CACNA1H: variants seen among roughly 807,000 people sequenced by gnomAD.
CACNA1H encodes the protein voltage-dependent T-type calcium channel subunit alpha-1H.
Under a neutral mutation model 192.5 loss-of-function variants are expected in CACNA1H, and 149 were observed. That is an observed-to-expected ratio of 0.77 (90% confidence interval 0.68 to 0.89). CACNA1H has a LOEUF of 0.89. CACNA1H is among the 40% of genes least tolerant of loss of function. The pLI, the probability that CACNA1H is intolerant of heterozygous loss-of-function variation, is 0.00. For missense variants in CACNA1H, 4,257 were observed against 3,423.5 expected (o/e 1.24, Z -6.08); for synonymous variants, 2,202 against 1,475.2 (o/e 1.49, Z -11.29).
intron 2 of CACNA1H, among the ~76,000 whole-genome samples, chr16:1,192,854 T>A (rs542665419): frequency 1.4e-4 from 21 of 152,188 alleles, no homozygotes; most frequent in Non-Finnish European, 2.6e-4. Flanking sequence ...ATTGCCTGCT[T>A]TGGTAGTGGA....
At chr16:1,166,152 C>T (rs938230960) in intron 2 of CACNA1H, among the ~76,000 whole-genome samples, 6 of 152,330 alleles carry the variant, frequency 3.9e-5, no homozygotes, top group Admixed American at 3.9e-4. Flanking sequence ...AAGGGGCAGG[C>T]AGGCCTGAGA....
rs955537255 is a variant in CACNA1H at position 1,180,843 on chromosome 16, C to G, written c.300-14129C>G. 2.0e-5 allele frequency among the ~76,000 whole-genome samples: 3 copies of G among 152,186 alleles called. No homozygotes were observed. The highest frequency in any genetic ancestry group is 2.0e-4 in the Admixed American group (3 of 15,286). Reference sequence around the variant, plus strand: ...CCACAGCCACCCCGCCCTGGACTCCCCGGGCCAGCACCCGACCTGGCCGCC... The same window carrying G: ...CCACAGCCACCCCGCCCTGGACTCCGCGGGCCAGCACCCGACCTGGCCGCC... On this transcript the variant is annotated intron_variant, in intron 2 of 34. Transcript: ENST00000348261. This position sits in a 1 kb window ranked among gnomAD's most constrained non-coding sequence, Gnocchi z 4.4.
intron 2 of CACNA1H, among the ~76,000 whole-genome samples, chr16:1,186,276 C>G (rs1190794909): frequency 6.6e-6 from 1 of 151,998 alleles, no homozygotes; most frequent in African/African-American, 2.4e-5. Context: ...GAATGCGCGG[C>G]TCCCTCGAGG....
intron 2 of CACNA1H, among the ~76,000 whole-genome samples, chr16:1,190,629 G>C (rs1024686452): frequency 6.6e-6 from 1 of 152,250 alleles, no homozygotes; most frequent in Non-Finnish European, 1.5e-5. Context: ...CACGTCCTCT[G>C]TCGTGAGAGG....
In CACNA1H at chr16:1,202,374, G is replaced by A. The variant is rs1461165872; in HGVS notation, c.1924G>A (p.Gly642Ser). Reference protein sequence around the residue: ...PKGKWAGGPPGTGGHGPLSLN... With the variant: ...PKGKWAGGPPSTGGHGPLSLN... ...GGGGAAGTGGGCCGGTGGACCGCCA[G>A]GCACCGGGGGGCACGGCCCGTTGAG... Residue 642 changes from glycine to serine, a missense_variant, in exon 9 of 35, where the codon GGC (glycine) becomes AGC (serine). Transcript: ENST00000348261. 3 of 1,553,048 alleles carry A rather than the reference G, an allele frequency of 1.9e-6. No individual in the cohort carries two copies. In the African/African-American group the frequency reaches 4.1e-5, roughly 21 times the overall value.
chr16:1,157,789 C>T (rs1962625306), intron 2 of CACNA1H: 1 of 152,384 alleles, frequency 6.6e-6, no homozygotes, highest in African/African-American at 2.4e-5. Context: ...GGCCTGAACT[C>T]CAAGCTGGGG....
chr16:1,183,374 C>T (rs567385203), intron 2 of CACNA1H, among the ~76,000 whole-genome samples: 6 of 152,310 alleles, frequency 3.9e-5, no homozygotes, highest in East Asian at 3.9e-4. Context: ...GCGTGGGGGC[C>T]GCCCTCAGCG....
chr16:1,195,529 C>T lies in CACNA1H; in HGVS notation c.509C>T (p.Thr170Met), dbSNP rs1184871365. The T allele has an allele frequency of 6.2e-6, 10 of 1,605,606 alleles. No homozygotes were observed. The highest frequency in any genetic ancestry group is 8.5e-6 in the Non-Finnish European group (10 of 1,176,506). Residue 170 changes from threonine to methionine, a missense_variant, in exon 4 of 35, where the codon ACG becomes ATG. Physicochemically the swap from Thr to Met is moderately conservative, Grantham distance 81 (BLOSUM62 -1). Transcript: ENST00000348261. ...LFGQKCYLGD[T>M]WNRLDFFIVV... ...GGGCAGAAGTGTTACCTGGGTGACA[C>T]GTGGAACAGGCTGGATTTCTTCATC...
At chr16:1,209,916 T>G in intron 17 of CACNA1H, 119 bp from the exon 18 acceptor site, 1 of 728,548 alleles carries the variant, frequency 1.4e-6, no homozygotes, top group South Asian at 1.7e-5. Flanking sequence ...GGGTGAGGAG[T>G]GAGGATGGAG....
chr16:1,189,742 G>A (rs1222655449), intron 2 of CACNA1H, among the ~76,000 whole-genome samples: 3 of 152,110 alleles, frequency 2.0e-5, no homozygotes, highest in Non-Finnish European at 2.9e-5. Context: ...TGATTATAGA[G>A]TGTGGGGCTG....
rs1227882612 is a variant in CACNA1H, at chr16:1,210,916, A to C, written c.4168A>C (p.Lys1390Gln). ...GGCCATGGCCTCGGCTGGTGGCGCCAAGATCCTGGGTGTTCTGCGCGTGCT... is the reference window on the plus strand; with the variant it reads ...GGCCATGGCCTCGGCTGGTGGCGCCCAGATCCTGGGTGTTCTGCGCGTGCT... ...VVAMASAGGA[K>Q]ILGVLRVLRL... Residue 1390 changes from lysine (K) to glutamine (Q), a missense_variant, in exon 21 of 35, where the codon AAG (lysine) becomes CAG (glutamine). Coordinates refer to ENST00000348261, the MANE Select transcript of CACNA1H (RefSeq NM_021098.3). 2.5e-6 allele frequency: 4 copies of C among 1,603,274 alleles called. No individual in the cohort carries two copies. Among genetic ancestry groups the C allele is most frequent in the Non-Finnish European group, 3.4e-6 (4 of 1,179,690 alleles).
chr16:1,218,901 C>T lies in CACNA1H; in HGVS notation c.5888-69C>T, dbSNP rs1480020835. On this transcript the variant is annotated intron_variant, in intron 33 of 34. Coordinates refer to ENST00000348261, the MANE Select transcript of CACNA1H (RefSeq NM_021098.3). ...AGGATGGTGGCAGGTTGGGGGAGGA[C>T]GGGGGTGGGTGGCAGCTGGGCAGGA... 104 of 824,024 alleles carry T rather than the reference C, an allele frequency of 1.3e-4. No individual in the cohort carries two copies. The African/African-American group carries it at 2.4e-3, about 19-fold the overall frequency. The allele number at this position is 824,024 out of a possible 1,614,324, so 51.0% of individuals were successfully genotyped here.
In CACNA1H at chr16:1,188,093, G is replaced by A. The variant is rs545178105; in HGVS notation, c.300-6879G>A. ...GATGGGGAAGCTGAGGCTTAGAAAG[G>A]GGGAGGCACAGGTGGAGGTAGAATT... On this transcript the variant is annotated intron_variant, in intron 2 of 34. Coordinates refer to ENST00000348261, the MANE Select transcript of CACNA1H (RefSeq NM_021098.3). Among the ~76,000 whole-genome samples the A allele has an allele frequency of 4.6e-5, 7 of 152,338 alleles. No individual in the cohort carries two copies. In the East Asian group the frequency reaches 1.3e-3, roughly 29 times the overall value.
In CACNA1H at chr16:1,209,011, C is replaced by T. The variant is rs781287879; in HGVS notation, c.3364-21C>T. ...TGCTAATAGTGATGCCACCAGGTCA[C>T]TGACTCCCGCCACCCCCCAGGCCAG... On this transcript the variant is annotated intron_variant, in intron 16 of 34. Transcript: ENST00000348261. The T allele has an allele frequency of 3.7e-5, 55 of 1,476,956 alleles. No homozygotes were observed. In the African/African-American group the frequency reaches 5.7e-4, roughly 15 times the overall value. 91.5% of individuals were successfully genotyped at this position (1,476,956 alleles called of 1,614,324 possible). A position where few individuals can be genotyped will look rare whatever the true frequency, so the allele number is the denominator to read the frequency against.
At position 1,211,528 on chromosome 16, in the gene CACNA1H, C is replaced by T. The variant is rs1969449593; in HGVS notation, c.4398C>T (p.Asn1466=). ...ACTGCGAGGGCCCCGACACCAGGAA[C>T]ATCTCCACCAAGGCACAGTGCCGGG... The part of the protein sequence containing the change: ...FYYCEGPDTR[N]ISTKAQCRAA... Residue 1466 remains asparagine (N), a synonymous_variant, in exon 23 of 35, where the codon AAC becomes AAT. Coordinates refer to ENST00000348261, the MANE Select transcript of CACNA1H (RefSeq NM_021098.3). 6.2e-7 allele frequency: 1 copy of T among 1,612,346 alleles called. No individual in the cohort carries two copies. Among genetic ancestry groups the T allele is most frequent in the South Asian group, 1.1e-5 (1 of 91,090 alleles).
chr16:1,173,035 G>A (rs1964522628), intron 2 of CACNA1H, among the ~76,000 whole-genome samples: 1 of 152,188 alleles, frequency 6.6e-6, no homozygotes, highest in Non-Finnish European at 1.5e-5. Context: ...CCTGCCCTGG[G>A]TGTGGCGTGG....
chr16:1,183,419 G>A (rs1965671754), intron 2 of CACNA1H, among the ~76,000 whole-genome samples: 1 of 152,156 alleles, frequency 6.6e-6, no homozygotes, highest in Non-Finnish European at 1.5e-5. Flanking sequence ...CCTCCCCCCA[G>A]CCCTGACCGG....
In CACNA1H at chr16:1,210,630, C is replaced by A; in HGVS notation, c.4017C>A (p.Phe1339Leu). The part of the protein sequence containing the change: ...SVSNYIFTAI[F>L]VAEMMVKVVA... ...CCAATTACATCTTCACGGCCATCTTCGTGGCGGAGATGATGGTGAAGGTAC... is the reference window on the plus strand; with the variant it reads ...CCAATTACATCTTCACGGCCATCTTAGTGGCGGAGATGATGGTGAAGGTAC... Residue 1339 changes from phenylalanine to leucine, a missense_variant, in exon 20 of 35, where the codon TTC becomes TTA. Transcript: ENST00000348261. The A allele has an allele frequency of 6.2e-7, 1 of 1,605,882 alleles. No individual in the cohort carries two copies. The highest frequency in any genetic ancestry group is 8.5e-7 in the Non-Finnish European group (1 of 1,179,746).
At chr16:1,174,274 G>A (rs546789394) in intron 2 of CACNA1H, among the ~76,000 whole-genome samples, 198 of 152,326 alleles carry the variant, frequency 1.3e-3, no homozygotes, top group African/African-American at 4.5e-3. Context: ...CCATGGCCAC[G>A]GGCCAGCTGC....
Sources: gnomAD v4.1 joint callset for allele counts (sites outside exome capture counted in the v4.1 genomes callset) on GRCh38, gnomAD v4.1.1 for gene constraint, Gnocchi (gnomAD v3.1) non-coding constraint, MANE v1.5 for transcripts, NCBI Gene and HGNC (gene_info 2026-07-23, HGNC 2026-07-21) for gene names.